Variants in SEMA5A observed in about 807,000 individuals in gnomAD.
SEMA5A encodes semaphorin 5A, also known as semaphorin-5A.
A neutral mutation model predicts 135.5 loss-of-function variants in SEMA5A; 55 were observed. That is an observed-to-expected ratio of 0.41 (90% CI 0.33 to 0.51). The LOEUF is 0.51. SEMA5A is among the 20% of genes least tolerant of loss of function. The probability of loss-of-function intolerance (pLI) is 0.37; values close to 1 mark genes in which losing one functional copy is unlikely to be tolerated. For synonymous variants in SEMA5A, 580 were observed against 546.5 expected, an observed-to-expected ratio of 1.06 and a Z score of -0.85; for missense variants, 1,290 against 1,419.9, an observed-to-expected ratio of 0.91 and a Z score of 1.47.
chr5:9,238,184 G>A (rs1407190492), intron 5 of SEMA5A, among the ~76,000 whole-genome samples: 1 of 152,128 alleles, frequency 6.6e-6, no homozygotes, highest in Non-Finnish European at 1.5e-5. Flanking sequence ...GGTGACTATA[G>A]CACTGATGGT....
At chr5:9,471,814 T>G (rs956328766) in intron 1 of SEMA5A, among the ~76,000 whole-genome samples, 1 of 152,252 alleles carries the variant, frequency 6.6e-6, no homozygotes, top group Admixed American at 6.5e-5. Context: ...GCAAACTCAT[T>G]GTTCAAATTT....
At chr5:9,382,504 A>G (rs1250843084) in intron 2 of SEMA5A, among the ~76,000 whole-genome samples, 1 of 152,206 alleles carries the variant, frequency 6.6e-6, no homozygotes, top group Non-Finnish European at 1.5e-5. Flanking sequence ...GGTGTATCAA[A>G]TTTCACTGTC....
At chr5:9,540,315 C>T (rs939151029) in intron 1 of SEMA5A, among the ~76,000 whole-genome samples, 4 of 152,092 alleles carry the variant, frequency 2.6e-5, no homozygotes, top group African/African-American at 7.2e-5. Flanking sequence ...GAAGGCCGGG[C>T]GCGGTGGCTC....
At chr5:9,511,339 C>T (rs1409034542) in intron 1 of SEMA5A, 1 of 152,196 alleles carries the variant, frequency 6.6e-6, no homozygotes, top group Non-Finnish European at 1.5e-5. Flanking sequence ...TCCCAGTTCA[C>T]ACTCCCTTAA....
intron 5 of SEMA5A, among the ~76,000 whole-genome samples, chr5:9,245,819 A>G (rs1404045385): frequency 1.3e-5 from 2 of 152,174 alleles, no homozygotes; most frequent in African/African-American, 4.8e-5. Flanking sequence ...TCTGAGTAAC[A>G]CAGTTGGCAA....
At chr5:9,395,056 T>C (rs1756329315) in intron 2 of SEMA5A, among the ~76,000 whole-genome samples, 1 of 152,190 alleles carries the variant, frequency 6.6e-6, no homozygotes, top group African/African-American at 2.4e-5. Flanking sequence ...ATATTAAATT[T>C]TCAACAATAT....
chr5:9,185,953 C>G (rs1464490409), intron 11 of SEMA5A, among the ~76,000 whole-genome samples: 1 of 152,080 alleles, frequency 6.6e-6, no homozygotes, highest in African/African-American at 2.4e-5. Context: ...TGGGGAAGAG[C>G]CAGTGGAGAA....
intron 15 of SEMA5A, among the ~76,000 whole-genome samples, chr5:9,116,555 T>C (rs1052712130): frequency 4.6e-5 from 7 of 152,184 alleles, no homozygotes; most frequent in African/African-American, 9.7e-5. Flanking sequence ...AAAGCTCCCA[T>C]TGAATAATTC....
intron 3 of SEMA5A, among the ~76,000 whole-genome samples, chr5:9,360,047 A>C (rs1561184675): frequency 6.6e-6 from 1 of 152,254 alleles, no homozygotes; most frequent in African/African-American, 2.4e-5. Context: ...GATAAACAAG[A>C]ATTTCAACTG....
chr5:9,168,458 T>TA (rs1366882695), intron 11 of SEMA5A, among the ~76,000 whole-genome samples: 1 of 152,184 alleles, frequency 6.6e-6, no homozygotes, highest in Admixed American at 6.5e-5. Flanking sequence ...AGCCCTTATG[T>TA]AAAGGGCTTA....
At chr5:9,148,659 C>A (rs186644642) in intron 12 of SEMA5A, among the ~76,000 whole-genome samples, 1 of 152,128 alleles carries the variant, frequency 6.6e-6, no homozygotes, top group Non-Finnish European at 1.5e-5. Flanking sequence ...CAGCATGGAA[C>A]GGGCTCCTGA....
At chr5:9,437,706 A>G (rs1049672934) in intron 2 of SEMA5A, 50 bp downstream of exon 2, 3 of 55,698 alleles carry the variant, frequency 5.4e-5, no homozygotes, top group Non-Finnish European at 1.9e-4. Context: ...AAATATTTCA[A>G]TCTGTAATTT....
intron 3 of SEMA5A, among the ~76,000 whole-genome samples, chr5:9,349,191 A>C (rs575420293): frequency 7.9e-5 from 12 of 152,186 alleles, no homozygotes; most frequent in Admixed American, 7.2e-4. Context: ...CGAAGTACAG[A>C]TTCTATCTAC....
At chr5:9,448,939 G>C (rs889769865) in intron 1 of SEMA5A, among the ~76,000 whole-genome samples, 3 of 152,216 alleles carry the variant, frequency 2.0e-5, no homozygotes, top group African/African-American at 7.2e-5. Flanking sequence ...CTAAGTAAAT[G>C]AGCATATTCA....
intron 5 of SEMA5A, among the ~76,000 whole-genome samples, chr5:9,239,100 A>T (rs1748066186): frequency 6.6e-6 from 1 of 152,204 alleles, no homozygotes; most frequent in South Asian, 2.1e-4. Flanking sequence ...ACAGAGATTA[A>T]ATCATACAAC....
intron 1 of SEMA5A, chr5:9,511,204 G>C (rs1341088904): frequency 6.6e-6 from 1 of 152,056 alleles, no homozygotes; most frequent in Non-Finnish European, 1.5e-5. Flanking sequence ...ATTTACAACA[G>C]TGCTACATAG....
chr5:9,222,494 T>C (rs889897015), intron 8 of SEMA5A, among the ~76,000 whole-genome samples: 1 of 151,942 alleles, frequency 6.6e-6, no homozygotes, highest in Non-Finnish European at 1.5e-5. Context: ...GGGAGGGCGG[T>C]GGAAATGCTG....
chr5:9,043,518 A>T (rs1736075373), intron 22 of SEMA5A, among the ~76,000 whole-genome samples: 1 of 152,220 alleles, frequency 6.6e-6, no homozygotes, highest in South Asian at 2.1e-4. Flanking sequence ...TGAACTTATT[A>T]GAAGGTGATC....
chr5:9,134,227 C>T (rs1294685318), intron 13 of SEMA5A, among the ~76,000 whole-genome samples: 4 of 152,154 alleles, frequency 2.6e-5, no homozygotes, highest in African/African-American at 9.7e-5. Flanking sequence ...TTCACCACAG[C>T]CTCAAACTCT....
Sources: allele counts gnomAD v4.1 joint callset (sites outside exome capture counted in the v4.1 genomes callset), GRCh38; gene constraint gnomAD v4.1.1; transcripts MANE v1.5; gene names NCBI Gene and HGNC (gene_info 2026-07-23, HGNC 2026-07-21).